PRDM10: variants seen among roughly 807,000 people sequenced by gnomAD.
PRDM10 encodes the protein PR domain zinc finger protein 10.
A neutral mutation model predicts 133.1 loss-of-function variants in PRDM10; 65 were observed. The ratio of observed to expected loss-of-function variants is 0.49; its 90% CI spans 0.40 to 0.60. PRDM10 has a LOEUF of 0.60. PRDM10 is among the 20% of genes least tolerant of loss of function. The pLI is 0.00. For missense variants in PRDM10, 1,137 were observed against 1,507.1 expected (o/e 0.75, Z 4.07); for synonymous variants, 582 against 580.4 (o/e 1.00, Z -0.04).
chr11:129,951,505 C>G (rs568977810), intron 4 of PRDM10, among the ~76,000 whole-genome samples: 12 of 152,194 alleles, frequency 7.9e-5, no homozygotes, highest in Non-Finnish European at 1.3e-4. Flanking sequence ...CATTTTAATC[C>G]TGTGCATTTT....
In PRDM10 at chr11:129,961,014, G is replaced by C; in HGVS notation, c.-50C>G. 6.4e-7 allele frequency: 1 copy of C among 1,562,634 alleles called. No individual in the cohort carries two copies. Among genetic ancestry groups the C allele is most frequent in the African/African-American group, 1.4e-5 (1 of 73,814 alleles). ...GTCTGGCACACCTAGAGCAGCACAG[G>C]GTACAGGACAGTCATCTGTCTACCA... On this transcript the variant is annotated 5_prime_UTR_variant, in exon 2 of 21. Transcript: ENST00000360871.
At chr11:129,921,655 T>C (rs1950526167) in intron 13 of PRDM10, among the ~76,000 whole-genome samples, 2 of 152,206 alleles carry the variant, frequency 1.3e-5, no homozygotes, top group Non-Finnish European at 2.9e-5. Context: ...TTGTGCTGGG[T>C]CAACTTGGCT....
chr11:130,001,202 A>T (rs1166767307), intron 1 of PRDM10, among the ~76,000 whole-genome samples: 1 of 152,266 alleles, frequency 6.6e-6, no homozygotes, highest in East Asian at 1.9e-4. Flanking sequence ...TTTAAAAAAA[A>T]ATCTTGTTTT....
chr11:129,994,305 A>C (rs1018457850), intron 1 of PRDM10, among the ~76,000 whole-genome samples: 7 of 98,116 alleles, frequency 7.1e-5, no homozygotes, highest in African/African-American at 4.9e-4. Context: ...ACTAAAAAAA[A>C]AGTACAAAAA....
At chr11:129,908,604 A>G (rs1950085869) in intron 19 of PRDM10, among the ~76,000 whole-genome samples, 1 of 152,152 alleles carries the variant, frequency 6.6e-6, no homozygotes, top group Admixed American at 6.5e-5. Flanking sequence ...GTAAGTTGGT[A>G]ACTGCTGAGG....
At position 129,923,155 on chromosome 11, in the gene PRDM10, G is replaced by A. The variant is rs1950564395; in HGVS notation, c.2034+93C>T. 1 of 1,386,460 alleles carries A rather than the reference G, an allele frequency of 7.2e-7. No homozygotes were observed. The highest frequency in any genetic ancestry group is 1.5e-5 in the African/African-American group (1 of 68,036). 85.9% of individuals were successfully genotyped at this position (1,386,460 alleles called of 1,614,324 possible). A position where few individuals can be genotyped will look rare whatever the true frequency, so the allele number is the denominator to read the frequency against. On this transcript the variant is annotated intron_variant, in intron 13 of 20. Transcript: ENST00000360871. The surrounding 1 kb of genome is among the most constrained non-coding windows in gnomAD (Gnocchi z 4.4). ...CAGGTCCAGTTCATCAGAGGTGGGT[G>A]ATAAACTGATGAAATGAACAGGCAT... is the stretch of plus-strand genomic sequence containing the variant.
chr11:129,952,884 A>G (rs959070725), intron 4 of PRDM10, among the ~76,000 whole-genome samples: 2 of 152,142 alleles, frequency 1.3e-5, no homozygotes, highest in Non-Finnish European at 1.5e-5. Context: ...GGAGAAGCAA[A>G]ACCAAGACAT....
At chr11:129,926,766 C>T (rs1303990683) in intron 11 of PRDM10, among the ~76,000 whole-genome samples, 1 of 152,152 alleles carries the variant, frequency 6.6e-6, no homozygotes, top group Non-Finnish European at 1.5e-5. Flanking sequence ...ACTTTATTCT[C>T]CTTTGTATCC....
chr11:129,921,295 C>T (rs1244739019), intron 13 of PRDM10, among the ~76,000 whole-genome samples: 1 of 152,112 alleles, frequency 6.6e-6, no homozygotes, highest in Non-Finnish European at 1.5e-5. Flanking sequence ...CAGGAAATGC[C>T]CCATATGAAG....
rs1207706354 is a variant in PRDM10 at position 129,947,174 on chromosome 11, G to A, written c.491C>T (p.Pro164Leu). 28 of 1,613,912 alleles carry A rather than the reference G, an allele frequency of 1.7e-5. No homozygotes were observed. The highest frequency in any genetic ancestry group is 2.4e-5 in the Non-Finnish European group (28 of 1,180,014). ...GTCGTGTGGGTCGAAGGGCCGGGGC[G>A]GGTCTGGCTCCCAGTCATCCAGATC... The part of the protein sequence containing the change: ...DTDLDDWEPD[P>L]PRPFDPHDLW... The change falls in exon 5 of 21, where the codon CCG (proline) becomes CTG (leucine). Residue 164 changes from proline to leucine, a missense_variant. Physicochemically the swap from Pro to Leu is moderately conservative, Grantham distance 98 (BLOSUM62 -3). Coordinates refer to ENST00000360871, the MANE Select transcript of PRDM10 (RefSeq NM_199437.2). This position sits in a 1 kb window ranked among gnomAD's most constrained non-coding sequence, Gnocchi z 4.6.
At chr11:129,974,554 T>C (rs974695249) in intron 1 of PRDM10, among the ~76,000 whole-genome samples, 1 of 152,020 alleles carries the variant, frequency 6.6e-6, no homozygotes, top group African/African-American at 2.4e-5. Context: ...ATGAATCAGA[T>C]TGTTCTGAGC....
At chr11:129,941,125 C>T (rs1951190885) in intron 7 of PRDM10, among the ~76,000 whole-genome samples, 1 of 152,110 alleles carries the variant, frequency 6.6e-6, no homozygotes, top group Admixed American at 6.5e-5. Context: ...GAACAAAATC[C>T]AGGATTCTTT....
chr11:129,913,361 A>G (rs1950253849), intron 17 of PRDM10, among the ~76,000 whole-genome samples: 2 of 152,188 alleles, frequency 1.3e-5, no homozygotes, highest in Non-Finnish European at 2.9e-5. Context: ...ATAAAAAAAG[A>G]GCGTTTAGAG....
intron 8 of PRDM10, among the ~76,000 whole-genome samples, chr11:129,936,842 C>T (rs1157272024): frequency 6.6e-6 from 1 of 152,102 alleles, no homozygotes; most frequent in Admixed American, 6.5e-5. Context: ...CTTGACCTAA[C>T]TCTGGATAGT....
intron 4 of PRDM10, among the ~76,000 whole-genome samples, chr11:129,953,027 G>T (rs1284917487): frequency 6.6e-6 from 1 of 151,602 alleles, no homozygotes; most frequent in African/African-American, 2.4e-5. Flanking sequence ...AAGCTGGAGT[G>T]CAATGGCACG....
intron 1 of PRDM10, among the ~76,000 whole-genome samples, chr11:129,996,576 G>C (rs995332617): frequency 6.6e-6 from 1 of 152,086 alleles, no homozygotes; most frequent in African/African-American, 2.4e-5. Context: ...TTTACTACCT[G>C]GTCCTTTAAA....
Position 129,932,124 on chromosome 11 carries a change from T to C in PRDM10, c.1265A>G (p.Glu422Gly). 6.2e-7 allele frequency: 1 copy of C among 1,614,032 alleles called. No individual in the cohort carries two copies. The highest frequency in any genetic ancestry group is 8.5e-7 in the Non-Finnish European group (1 of 1,179,986). Residue 422 changes from glutamate to glycine, a missense_variant, in exon 10 of 21, where the codon GAA becomes GGA. Glu to Gly is a moderately conservative substitution (Grantham distance 98, BLOSUM62 -2). Coordinates refer to ENST00000360871, the MANE Select transcript of PRDM10 (RefSeq NM_199437.2). Reference protein sequence around the residue: ...IRLEITSENGEKSDDGTQDLL... With the variant: ...IRLEITSENGGKSDDGTQDLL... ...TACCTGTGTCCCATCGTCACTCTTT[T>C]CCCCATTTTCGCTGGTGATTTCCAG... is the stretch of plus-strand genomic sequence containing the variant.
At chr11:129,931,566 A>ATTTTTTTTTTTTT (rs1164067658) in intron 10 of PRDM10, among the ~76,000 whole-genome samples, 1 of 124,404 alleles carries the variant, frequency 8.0e-6, no homozygotes, top group Admixed American at 7.5e-5. Context: ...TTTTTATTTT[A>ATTTTTTTTTTTTT]TTTTATTTTA....
chr11:129,927,900 G>A (rs575017105), intron 11 of PRDM10, among the ~76,000 whole-genome samples: 40 of 146,298 alleles, frequency 2.7e-4, no homozygotes, highest in African/African-American at 5.3e-4. Flanking sequence ...ATGTCGGAGA[G>A]AGCGCACAGA....
Sources: gnomAD v4.1 joint callset for allele counts (sites outside exome capture counted in the v4.1 genomes callset) on GRCh38, gnomAD v4.1.1 for gene constraint, Gnocchi (gnomAD v3.1) non-coding constraint, MANE v1.5 for transcripts, NCBI Gene and HGNC (gene_info 2026-07-23, HGNC 2026-07-21) for gene names.